The following SEMA3C variants were observed in gnomAD, a reference collection of about 807,000 sequenced individuals.
SEMA3C encodes semaphorin 3C.
Under a neutral mutation model 89.4 loss-of-function variants are expected in SEMA3C, and 47 were observed. That is an observed-to-expected ratio of 0.53 (90% CI 0.42 to 0.67). SEMA3C has a LOEUF of 0.67. Among genes scored for constraint, SEMA3C ranks in the 30% least tolerant of loss-of-function variants. The pLI is 0.00. For missense variants in SEMA3C, 839 were observed against 929.1 expected (o/e 0.90, Z 1.26); for synonymous variants, 310 against 320.2 (o/e 0.97, Z 0.34).
At chr7:80,895,130 A>C (rs538625277) in intron 2 of SEMA3C, among the ~76,000 whole-genome samples, 1 of 152,282 alleles carries the variant, frequency 6.6e-6, no homozygotes, top group Non-Finnish European at 1.5e-5. Flanking sequence ...AAACTCCATA[A>C]ATCCACCTTC....
Position 80,918,960 on chromosome 7 carries a change from T to G in SEMA3C, c.-171A>C, listed in dbSNP as rs1792343855. ...CAAAGGTGAAATTCTTTCTTCCCGG[T>G]CCTCTGAGTTTCTTTGTAAAGGAAT... On this transcript the variant is annotated 5_prime_UTR_variant, in exon 1 of 18. Coordinates refer to ENST00000265361, the MANE Select transcript of SEMA3C (RefSeq NM_006379.5). 1 of 985,394 alleles carries G rather than the reference T, an allele frequency of 1.0e-6. No individual in the cohort carries two copies. Among genetic ancestry groups the G allele is most frequent in the Non-Finnish European group, 1.2e-6 (1 of 829,920 alleles). The allele number at this position is 985,394 out of a possible 1,614,324, so 61.0% of individuals were successfully genotyped here. A position where few individuals can be genotyped will look rare whatever the true frequency, so the allele number is the denominator to read the frequency against.
chr7:80,751,245 T>C (rs1487606248), intron 16 of SEMA3C, 24 bp downstream of exon 16: 8 of 1,590,086 alleles, frequency 5.0e-6, no homozygotes, highest in East Asian at 4.5e-5. Context: ...TTCACTGAGA[T>C]TGGCCATTGC....
intron 2 of SEMA3C, among the ~76,000 whole-genome samples, chr7:80,840,791 C>T (rs575876578): frequency 5.9e-5 from 9 of 152,034 alleles, no homozygotes; most frequent in African/African-American, 2.2e-4. Context: ...ATTAACTAAG[C>T]CACTCAATAT....
At chr7:80,893,380 ACT>A (rs1791661628) in intron 2 of SEMA3C, among the ~76,000 whole-genome samples, 1 of 152,028 alleles carries the variant, frequency 6.6e-6, no homozygotes, top group African/African-American at 2.4e-5. Flanking sequence ...TATCAGATAC[ACT>A]CTCTGCCTTC....
chr7:80,885,491 C>A (rs1447830530), intron 2 of SEMA3C, among the ~76,000 whole-genome samples: 1 of 152,056 alleles, frequency 6.6e-6, no homozygotes, highest in Non-Finnish European at 1.5e-5. Context: ...GTGGTGCATG[C>A]CCATAGTCCC....
At chr7:80,809,137 G>A (rs1390056879) in intron 6 of SEMA3C, among the ~76,000 whole-genome samples, 1 of 152,122 alleles carries the variant, frequency 6.6e-6, no homozygotes, top group African/African-American at 2.4e-5. Context: ...GTGAGTCATA[G>A]GTATTCAATG....
chr7:80,813,052 C>T (rs1467648260), intron 5 of SEMA3C, among the ~76,000 whole-genome samples: 7 of 151,462 alleles, frequency 4.6e-5, no homozygotes. Flanking sequence ...AGTGATCTGC[C>T]CGCCTTGGCC....
chr7:80,864,693 C>T (rs1790884499), intron 2 of SEMA3C, among the ~76,000 whole-genome samples: 2 of 152,154 alleles, frequency 1.3e-5, no homozygotes, highest in Admixed American at 6.5e-5. Context: ...CATAGATTCA[C>T]ATAGATGCAG....
chr7:80,752,348 A>G (rs1787954749), intron 15 of SEMA3C, among the ~76,000 whole-genome samples: 1 of 152,136 alleles, frequency 6.6e-6, no homozygotes, highest in African/African-American at 2.4e-5. Flanking sequence ...GCGGTGGCTC[A>G]CGCCTGTAAT....
At chr7:80,775,505 T>C (rs1453397571) in intron 12 of SEMA3C, among the ~76,000 whole-genome samples, 1 of 152,166 alleles carries the variant, frequency 6.6e-6, no homozygotes, top group East Asian at 1.9e-4. Context: ...ATCCCTGTAT[T>C]AAGTAGGGAA....
rs570042315 is a variant in SEMA3C at position 80,744,330 on chromosome 7, C to T, written c.*564G>A. The T allele has an allele frequency of 6.6e-6, 1 of 152,538 alleles. No homozygotes were observed. The highest frequency in any genetic ancestry group is 2.4e-5 in the African/African-American group (1 of 41,426). The allele number at this position is 152,538 out of a possible 1,614,324, so 9.4% of individuals were successfully genotyped here. A position where few individuals can be genotyped will look rare whatever the true frequency, so the allele number is the denominator to read the frequency against. On this transcript the variant is annotated 3_prime_UTR_variant, in exon 18 of 18. Coordinates refer to ENST00000265361, the MANE Select transcript of SEMA3C (RefSeq NM_006379.5). Reference sequence around the variant, plus strand: ...GATTATTTTTACAATCTTAAAAAAACCCCAACATATTTCATTGGAACCATA... The same window carrying T: ...GATTATTTTTACAATCTTAAAAAAATCCCAACATATTTCATTGGAACCATA...
In SEMA3C at chr7:80,893,699, G is replaced by A. The variant is rs145142118; in HGVS notation, c.103+22980C>T. On this transcript the variant is annotated intron_variant, in intron 2 of 17. Coordinates refer to ENST00000265361, the MANE Select transcript of SEMA3C (RefSeq NM_006379.5). ...TTGGGTGGAGGGGTCATATTGATAC[G>A]TGCTACTGTGTATTTGGTGTTAGAT... 3.6e-3 allele frequency among the ~76,000 whole-genome samples: 549 copies of A among 151,996 alleles called. 3 individuals are homozygous for A. The highest frequency in any genetic ancestry group is 0.012 in the African/African-American group (509 of 41,450).
chr7:80,881,162 GAA>G (rs1491299770), intron 2 of SEMA3C, among the ~76,000 whole-genome samples: 1 of 123,728 alleles, frequency 8.1e-6, no homozygotes, highest in Non-Finnish European at 1.7e-5. Context: ...CCTGGAGAAA[GAA>G]ACACACACAC....
intron 5 of SEMA3C, 101 bp downstream of exon 5, chr7:80,818,198 T>C: frequency 1.8e-6 from 2 of 1,141,644 alleles, no homozygotes; most frequent in Non-Finnish European, 2.4e-6. Flanking sequence ...CATGAAAATA[T>C]TTTATGAATA....
chr7:80,882,968 C>A (rs1260022213), intron 2 of SEMA3C, among the ~76,000 whole-genome samples: 1 of 150,492 alleles, frequency 6.6e-6, no homozygotes, highest in African/African-American at 2.5e-5. Context: ...ACAACAACAA[C>A]AAACTAAAGG....
At chr7:80,761,715 A>G (rs1788186862) in intron 13 of SEMA3C, 58 bp from the exon 14 acceptor site, 3 of 974,436 alleles carry the variant, frequency 3.1e-6, no homozygotes, top group Non-Finnish European at 1.5e-6. Context: ...AGGATTTTAC[A>G]TTCAGATTTT....
chr7:80,902,944 C>T (rs74662252), intron 2 of SEMA3C, among the ~76,000 whole-genome samples: 1,617 of 152,222 alleles, frequency 0.011, 25 homozygotes, highest in African/African-American at 0.037. Context: ...CTAAGAAGAA[C>T]GGTAAGAGCA....
At position 80,785,491 on chromosome 7, in the gene SEMA3C, C is replaced by T. The variant is rs548444127; in HGVS notation, c.1354+3815G>A. Among the ~76,000 whole-genome samples, 11 of 152,256 alleles carry T rather than the reference C, an allele frequency of 7.2e-5. No individual in the cohort carries two copies. In the East Asian group the frequency reaches 7.7e-4, roughly 11 times the overall value. ...TCTGACACTAGGGGACCTGGAAACA[C>T]CCAAGAAATGTTTTCTCCTTCCCAA... On this transcript the variant is annotated intron_variant, in intron 12 of 17. Coordinates refer to ENST00000265361, the MANE Select transcript of SEMA3C (RefSeq NM_006379.5).
intron 10 of SEMA3C, among the ~76,000 whole-genome samples, chr7:80,799,448 G>T (rs1185203715): frequency 2.0e-5 from 3 of 152,036 alleles, no homozygotes; most frequent in Admixed American, 2.0e-4. Flanking sequence ...TTAAAAAAAA[G>T]ATTTTTTATC....
Sources: allele counts gnomAD v4.1 joint callset (sites outside exome capture counted in the v4.1 genomes callset), GRCh38; gene constraint gnomAD v4.1.1; transcripts MANE v1.5; gene names NCBI Gene and HGNC (gene_info 2026-07-23, HGNC 2026-07-21).